The following SFMBT2 variants were observed in gnomAD, a reference collection of about 807,000 sequenced individuals.
The protein encoded by SFMBT2 is scm-like with four MBT domains protein 2.
A neutral mutation model predicts 110.1 loss-of-function variants in SFMBT2; 38 were observed. That is an observed-to-expected ratio of 0.35 (90% CI 0.27 to 0.45). The LOEUF (loss-of-function observed/expected upper bound fraction) is 0.45. SFMBT2 is among the 20% of genes least tolerant of loss of function. SFMBT2 has a pLI of 1.00. For synonymous variants in SFMBT2, 425 were observed against 425.4 expected, an observed-to-expected ratio of 1.00 and a Z score of 0.01; for missense variants, 1,011 against 1,094.9, an observed-to-expected ratio of 0.92 and a Z score of 1.08.
chr10:7,273,649 G>A (rs11597887), intron 7 of SFMBT2, among the ~76,000 whole-genome samples: 81,301 of 151,968 alleles, frequency 0.53, 22,208 homozygotes, highest in East Asian at 0.79. Flanking sequence ...CCAGTGTGTG[G>A]TGTTCCCAAC....
intron 11 of SFMBT2, among the ~76,000 whole-genome samples, chr10:7,216,906 T>C (rs1481822673): frequency 6.6e-6 from 1 of 152,192 alleles, no homozygotes; most frequent in Non-Finnish European, 1.5e-5. Context: ...CCAGCCCCTC[T>C]ATCAACTAAC....
At chr10:7,405,553 T>C (rs919088054) in intron 1 of SFMBT2, among the ~76,000 whole-genome samples, 3 of 152,204 alleles carry the variant, frequency 2.0e-5, no homozygotes, top group Non-Finnish European at 4.4e-5. Context: ...CAAGCACGGT[T>C]GCACATGGAT....
intron 20 of SFMBT2, among the ~76,000 whole-genome samples, chr10:7,169,279 A>G (rs1023430611): frequency 5.9e-5 from 9 of 152,306 alleles, no homozygotes; most frequent in Admixed American, 3.9e-4. Flanking sequence ...TCATTCTTTC[A>G]GCATGAACTT....
At chr10:7,309,341 T>G (rs1842784129) in intron 4 of SFMBT2, among the ~76,000 whole-genome samples, 1 of 152,236 alleles carries the variant, frequency 6.6e-6, no homozygotes, top group South Asian at 2.1e-4. Context: ...CAGAGATTGA[T>G]GGTCTCATCA....
At chr10:7,322,618 C>A (rs1359035995) in intron 4 of SFMBT2, among the ~76,000 whole-genome samples, 1 of 152,064 alleles carries the variant, frequency 6.6e-6, no homozygotes, top group Non-Finnish European at 1.5e-5. Flanking sequence ...CACACACACA[C>A]ACACACACAC....
At position 7,283,810 on chromosome 10, in the gene SFMBT2, AC is replaced by A; in HGVS notation, c.772+93del. On this transcript the variant is annotated intron_variant, in intron 6 of 20. Transcript: ENST00000397167. The stretch of plus-strand genomic sequence containing the variant: ...ATTCACATACTCAGATATAAAAGAT[AC>A]CAGAAAGCTCATACATTTTCTAGAA... 3 of 865,726 alleles carry A rather than the reference AC, an allele frequency of 3.5e-6. No homozygotes were observed. In the South Asian group the frequency reaches 4.8e-5, roughly 14 times the overall value. 53.6% of individuals were successfully genotyped at this position (865,726 alleles called of 1,614,324 possible).
intron 13 of SFMBT2, 71 bp from the exon 14 acceptor site, chr10:7,200,555 A>C: frequency 7.7e-7 from 1 of 1,298,786 alleles, no homozygotes; most frequent in South Asian, 1.5e-5. Context: ...CCAAAGTCTT[A>C]CCATAATTTA....
chr10:7,295,080 A>C (rs993967368), intron 4 of SFMBT2: 1 of 152,202 alleles, frequency 6.6e-6, no homozygotes, highest in African/African-American at 2.4e-5. Context: ...TAGGTAATTC[A>C]ACCCAAATAA....
At chr10:7,195,622 G>T (rs1172730185) in intron 15 of SFMBT2, among the ~76,000 whole-genome samples, 1 of 152,142 alleles carries the variant, frequency 6.6e-6, no homozygotes, top group African/African-American at 2.4e-5. Context: ...CACATTTCAG[G>T]TGCTGTGAGG....
chr10:7,194,432 C>T (rs1286731812), intron 15 of SFMBT2, among the ~76,000 whole-genome samples: 3 of 152,172 alleles, frequency 2.0e-5, no homozygotes, highest in African/African-American at 7.2e-5. Flanking sequence ...TGCCAAAGAC[C>T]ATGTCTGCAT....
In SFMBT2 at chr10:7,159,140, G is replaced by A. The variant is rs1485215627; in HGVS notation, c.*4630C>T. 2.6e-5 allele frequency: 4 copies of A among 152,116 alleles called. No individual in the cohort carries two copies. Among genetic ancestry groups the A allele is most frequent in the South Asian group, 2.1e-4 (1 of 4,832 alleles). 9.4% of individuals were successfully genotyped at this position (152,116 alleles called of 1,614,324 possible). A position where few individuals can be genotyped will look rare whatever the true frequency, so the allele number is the denominator to read the frequency against. ...AAGCACTGCTCTGCGTTGGTTAGGC[G>A]ACACGACCGTCATACTTACTGGGCC... On this transcript the variant is annotated 3_prime_UTR_variant, in exon 21 of 21. Coordinates refer to ENST00000397167, the MANE Select transcript of SFMBT2 (RefSeq NM_001387889.1).
Position 7,170,288 on chromosome 10 carries a change from A to T in SFMBT2, c.2544+640T>A, listed in dbSNP as rs889006207. Among the ~76,000 whole-genome samples the T allele has an allele frequency of 5.3e-5, 8 of 152,226 alleles. No individual in the cohort carries two copies. Among genetic ancestry groups the T allele is most frequent in the African/African-American group, 1.9e-4 (8 of 41,468 alleles). On this transcript the variant is annotated intron_variant, in intron 20 of 20. Coordinates refer to ENST00000397167, the MANE Select transcript of SFMBT2 (RefSeq NM_001387889.1). This position sits in a 1 kb window ranked among gnomAD's most constrained non-coding sequence, Gnocchi z 4.6. ...CTGCAACCCAGATTTGCCAAAAGGCACTGACAGGAGGCTCAACCAAAACCA... is the reference window on the plus strand; with the variant it reads ...CTGCAACCCAGATTTGCCAAAAGGCTCTGACAGGAGGCTCAACCAAAACCA...
At chr10:7,229,410 C>G (rs1013470096) in intron 9 of SFMBT2, among the ~76,000 whole-genome samples, 2 of 151,980 alleles carry the variant, frequency 1.3e-5, no homozygotes, top group African/African-American at 4.8e-5. Context: ...GAAACCCCTT[C>G]TCTACTAAAA....
At chr10:7,394,542 C>G (rs577027133) in intron 1 of SFMBT2, among the ~76,000 whole-genome samples, 41 of 151,222 alleles carry the variant, frequency 2.7e-4, no homozygotes, top group Non-Finnish European at 5.3e-4. Flanking sequence ...CGCTCACCCC[C>G]CTGGCAGCTC....
intron 16 of SFMBT2, among the ~76,000 whole-genome samples, chr10:7,179,752 G>C (rs1464754808): frequency 6.6e-6 from 1 of 152,210 alleles, no homozygotes; most frequent in South Asian, 2.1e-4. Context: ...TCGGAGCGAC[G>C]GATGAAGGGA....
rs371087756 is a variant in SFMBT2 at position 7,260,371 on chromosome 10, A to G, written c.871-11722T>C. The stretch of plus-strand genomic sequence containing the variant: ...GAAAAGCCTGGTGAACAGAGCCATG[A>G]GCAATGTCAGAAATGGCCTCGGTTC... On this transcript the variant is annotated intron_variant, in intron 7 of 20. Transcript: ENST00000397167. Among the ~76,000 whole-genome samples, 22 of 152,330 alleles carry G rather than the reference A, an allele frequency of 1.4e-4. 1 individual carries two copies. In the South Asian group the frequency reaches 4.1e-3, roughly 29 times the overall value.
At chr10:7,176,926 TG>T (rs1564368264) in intron 16 of SFMBT2, among the ~76,000 whole-genome samples, 75 of 152,194 alleles carry the variant, frequency 4.9e-4, no homozygotes, top group African/African-American at 1.8e-3. Flanking sequence ...AAAAGGCTGC[TG>T]TATCTCTCAA....
intron 10 of SFMBT2, among the ~76,000 whole-genome samples, chr10:7,226,441 A>T (rs1461455013): frequency 6.6e-6 from 1 of 152,188 alleles, no homozygotes; most frequent in Non-Finnish European, 1.5e-5. Context: ...TCATATTGTT[A>T]TGTCTAGAGT....
At chr10:7,312,699 TA>T (rs1293581146) in intron 4 of SFMBT2, among the ~76,000 whole-genome samples, 1 of 152,232 alleles carries the variant, frequency 6.6e-6, no homozygotes, top group African/African-American at 2.4e-5. Context: ...CGTTTATAGC[TA>T]TTAGTGATCT....
Sources: allele counts gnomAD v4.1 joint callset (sites outside exome capture counted in the v4.1 genomes callset), GRCh38; gene constraint gnomAD v4.1.1; non-coding constraint Gnocchi (gnomAD v3.1); transcripts MANE v1.5; gene names NCBI Gene and HGNC (gene_info 2026-07-23, HGNC 2026-07-21).